The following ROBO1 variants were observed in gnomAD, a reference collection of about 807,000 sequenced individuals.
ROBO1 encodes roundabout guidance receptor 1.
A neutral mutation model predicts 195.9 loss-of-function variants in ROBO1; 149 were observed. That is an observed-to-expected ratio of 0.76 (90% confidence interval 0.67 to 0.87). ROBO1 has a LOEUF of 0.87. Among genes scored for constraint, ROBO1 ranks in the 40% least tolerant of loss-of-function variants. The pLI is 0.00. For missense variants in ROBO1, 1,933 were observed against 2,068.3 expected, an observed-to-expected ratio of 0.93 and a Z score of 1.27; for synonymous variants, 816 against 733.2, an observed-to-expected ratio of 1.11 and a Z score of -1.82.
chr3:79,692,565 C>T (rs1358687099), intron 1 of ROBO1, among the ~76,000 whole-genome samples: 1 of 151,774 alleles, frequency 6.6e-6, no homozygotes, highest in Non-Finnish European at 1.5e-5. Flanking sequence ...AAAAGAAAGA[C>T]ACAGGAAGAC....
rs1043313371 is a variant in ROBO1 at position 79,757,353 on chromosome 3, C to T, written c.-51+10399G>A. ...GATCATTTAGTGAGATGACTCTCCA[C>T]GTACCAACCTGACAGACAATAACCA... On this transcript the variant is annotated intron_variant, in intron 1 of 30. Coordinates refer to ENST00000464233, the MANE Select transcript of ROBO1 (RefSeq NM_002941.4). 5.3e-5 allele frequency among the ~76,000 whole-genome samples: 8 copies of T among 152,260 alleles called. No homozygotes were observed. The East Asian group carries it at 9.6e-4, about 18-fold the overall frequency.
intron 2 of ROBO1, among the ~76,000 whole-genome samples, chr3:79,461,310 G>A (rs1937627334): frequency 6.6e-6 from 1 of 152,072 alleles, no homozygotes; most frequent in African/African-American, 2.4e-5. Flanking sequence ...ATGACAAGTT[G>A]TGAAATCTGG....
intron 2 of ROBO1, among the ~76,000 whole-genome samples, chr3:79,525,560 ATATATATATT>A (rs1340548703): frequency 6.8e-6 from 1 of 146,928 alleles, no homozygotes; most frequent in Non-Finnish European, 1.5e-5. Flanking sequence ...ATATATAAAT[ATATATATATT>A]TTTTTTGGTA....
At chr3:79,602,910 T>G (rs936010550) in intron 1 of ROBO1, among the ~76,000 whole-genome samples, 1 of 152,000 alleles carries the variant, frequency 6.6e-6, no homozygotes, top group African/African-American at 2.4e-5. Flanking sequence ...AATATTAATA[T>G]TTTTGCATGT....
At chr3:79,434,604 C>G (rs2038811792) in intron 2 of ROBO1, among the ~76,000 whole-genome samples, 1 of 152,092 alleles carries the variant, frequency 6.6e-6, no homozygotes, top group Non-Finnish European at 1.5e-5. Context: ...AACACTTTTA[C>G]ACTGTTGGTG....
intron 2 of ROBO1, among the ~76,000 whole-genome samples, chr3:79,340,656 C>G (rs1213569475): frequency 1.3e-5 from 2 of 152,126 alleles, no homozygotes; most frequent in Admixed American, 6.5e-5. Context: ...TGGTACCACC[C>G]TTTACTGTGT....
intron 1 of ROBO1, among the ~76,000 whole-genome samples, chr3:79,702,809 C>A (rs1947656948): frequency 6.6e-6 from 1 of 151,932 alleles, no homozygotes; most frequent in Non-Finnish European, 1.5e-5. Flanking sequence ...TGTCAGCATC[C>A]ATTCCCCATG....
intron 1 of ROBO1, among the ~76,000 whole-genome samples, chr3:79,635,879 A>G (rs1348838354): frequency 6.6e-6 from 1 of 152,148 alleles, no homozygotes; most frequent in Non-Finnish European, 1.5e-5. Flanking sequence ...TTAATAGTAA[A>G]CAAATGTTAA....
intron 4 of ROBO1, among the ~76,000 whole-genome samples, chr3:78,850,863 A>G (rs190182946): frequency 3.3e-5 from 5 of 151,286 alleles, no homozygotes; most frequent in Admixed American, 3.3e-4. Context: ...CTGGAGTGCA[A>G]TGAAGCTATC....
chr3:78,985,380 C>T (rs962501007), intron 3 of ROBO1, among the ~76,000 whole-genome samples: 1 of 152,036 alleles, frequency 6.6e-6, no homozygotes, highest in Non-Finnish European at 1.5e-5. Context: ...ATACAAAATA[C>T]ATGTTAATTC....
At chr3:79,583,835 T>C (rs756665220) in intron 2 of ROBO1, among the ~76,000 whole-genome samples, 2 of 151,940 alleles carry the variant, frequency 1.3e-5, no homozygotes, top group Admixed American at 6.6e-5. Flanking sequence ...TAGCTGGTCA[T>C]CATATAAAAT....
Position 78,926,464 on chromosome 3 carries a change from T to A in ROBO1, c.499+12137A>T, listed in dbSNP as rs566524273. Among the ~76,000 whole-genome samples, 7 of 152,186 alleles carry A rather than the reference T, an allele frequency of 4.6e-5. No homozygotes were observed. The East Asian group carries it at 1.4e-3, about 29-fold the overall frequency. Reference sequence around the variant, plus strand: ...AGCAAGACCTGAGGCTCAACTGCTGTGGAAAGAAAGTCGGGAAGAATCAAT... The same window carrying A: ...AGCAAGACCTGAGGCTCAACTGCTGAGGAAAGAAAGTCGGGAAGAATCAAT... On this transcript the variant is annotated intron_variant, in intron 4 of 30. Coordinates refer to ENST00000464233, the MANE Select transcript of ROBO1 (RefSeq NM_002941.4).
intron 2 of ROBO1, among the ~76,000 whole-genome samples, chr3:79,159,044 C>T (rs899759509): frequency 1.1e-4 from 17 of 151,644 alleles, no homozygotes. Flanking sequence ...AATAATATCC[C>T]CCATATTATT....
At chr3:79,206,934 A>C (rs1362995605) in intron 2 of ROBO1, among the ~76,000 whole-genome samples, 2 of 152,214 alleles carry the variant, frequency 1.3e-5, no homozygotes, top group Non-Finnish European at 2.9e-5. Flanking sequence ...GCTATCAACT[A>C]TAAGCAGATA....
chr3:79,530,357 C>T (rs934431813), intron 2 of ROBO1, among the ~76,000 whole-genome samples: 1 of 151,944 alleles, frequency 6.6e-6, no homozygotes, highest in Non-Finnish European at 1.5e-5. Flanking sequence ...CTACTGAGTT[C>T]GAGAGAGATT....
chr3:79,562,485 A>C (rs1942954439), intron 2 of ROBO1, among the ~76,000 whole-genome samples: 1 of 152,016 alleles, frequency 6.6e-6, no homozygotes, highest in African/African-American at 2.4e-5. Flanking sequence ...CTTTGTATAT[A>C]TCATTGGGAA....
chr3:79,671,744 T>C (rs1431668039), intron 1 of ROBO1, among the ~76,000 whole-genome samples: 1 of 151,926 alleles, frequency 6.6e-6, no homozygotes, highest in Non-Finnish European at 1.5e-5. Flanking sequence ...GTATTTAAAA[T>C]CATCCGTGTA....
chr3:79,463,404 A>C lies in ROBO1; in HGVS notation c.88+126420T>G, dbSNP rs567540190. ...AAAAAACATAAAACAAAAAACAAAA[A>C]ACAAAAAACCACAAACCTTTTCAAG... On this transcript the variant is annotated intron_variant, in intron 2 of 30. Coordinates refer to ENST00000464233, the MANE Select transcript of ROBO1 (RefSeq NM_002941.4). Among the ~76,000 whole-genome samples the C allele has an allele frequency of 2.3e-3, 349 of 151,502 alleles. 2 individuals carry two copies. The highest frequency in any genetic ancestry group is 8.0e-3 in the African/African-American group (328 of 41,152).
At chr3:78,820,469 A>G (rs1208292657) in intron 4 of ROBO1, among the ~76,000 whole-genome samples, 1 of 152,240 alleles carries the variant, frequency 6.6e-6, no homozygotes, top group African/African-American at 2.4e-5. Flanking sequence ...TAACGTAGGT[A>G]GAACAAATGC....
Sources: gnomAD v4.1 joint callset for allele counts (sites outside exome capture counted in the v4.1 genomes callset) on GRCh38, gnomAD v4.1.1 for gene constraint, MANE v1.5 for transcripts, NCBI Gene and HGNC (gene_info 2026-07-23, HGNC 2026-07-21) for gene names.